The following GADL1 variants were observed in gnomAD, a reference collection of about 807,000 sequenced individuals.
GADL1 encodes acidic amino acid decarboxylase GADL1.
A neutral mutation model predicts 69.5 loss-of-function variants in GADL1; 71 were observed. The observed-to-expected ratio is 1.02, with a 90% CI of 0.84 to 1.25. The LOEUF is 1.25. Among genes scored for constraint, GADL1 ranks in the 50% most tolerant of loss-of-function variants. GADL1 has a pLI of 0.00. For synonymous variants in GADL1, 254 were observed against 214.4 expected, an observed-to-expected ratio of 1.18 and a Z score of -1.62; for missense variants, 737 against 631.8, an observed-to-expected ratio of 1.17 and a Z score of -1.79.
At chr3:30,784,924 T>C (rs566000109) in intron 13 of GADL1, among the ~76,000 whole-genome samples, 63 of 152,300 alleles carry the variant, frequency 4.1e-4, no homozygotes, top group African/African-American at 1.5e-3. Context: ...TTTTGGCTGC[T>C]CAAAGACAGA....
chr3:30,813,952 A>G lies in GADL1; in HGVS notation c.1051-12864T>C, dbSNP rs1487455307. Among the ~76,000 whole-genome samples the G allele has an allele frequency of 2.6e-5, 4 of 152,352 alleles. No homozygotes were observed. The East Asian group carries it at 5.8e-4, about 22-fold the overall frequency. On this transcript the variant is annotated intron_variant, in intron 11 of 14. Coordinates refer to ENST00000282538, the MANE Select transcript of GADL1 (RefSeq NM_207359.3). ...TGAAATGACAAAAAACGTTTCCACTATACTAATGGCTATTTGTTCAGGCAG... is the reference window on the plus strand; with the variant it reads ...TGAAATGACAAAAAACGTTTCCACTGTACTAATGGCTATTTGTTCAGGCAG...
In GADL1 at chr3:30,842,822, TAAAAAA is replaced by T. The variant is rs558126002; in HGVS notation, c.786+1382_786+1387del. ...AAAGTTCACTTGTCATTGGAATGTT[TAAAAAA>T]AAAAAAAAAAAAAAAGTAGGACACA... On this transcript the variant is annotated intron_variant, in intron 8 of 14. Transcript: ENST00000282538. Among the ~76,000 whole-genome samples, 28 of 103,492 alleles carry T rather than the reference TAAAAAA, an allele frequency of 2.7e-4. 1 individual carries two copies. In the East Asian group the frequency reaches 2.9e-3, roughly 11 times the overall value. The allele number at this position is 103,492 out of a possible 152,430, so 67.9% of individuals were successfully genotyped here.
intron 12 of GADL1, among the ~76,000 whole-genome samples, chr3:30,794,264 C>T (rs1354532892): frequency 6.7e-6 from 1 of 148,756 alleles, no homozygotes; most frequent in African/African-American, 2.5e-5. Context: ...CTCTGGAGAC[C>T]AAACAAAGTA....
Position 30,854,754 on chromosome 3 carries a change from G to C in GADL1, c.373C>G (p.Leu125Val). 6.5e-7 allele frequency: 1 copy of C among 1,549,126 alleles called. No homozygotes were observed. ...CGGGCCACCAAGGAGTAATAATCAA[G>C]TCCAGCATACAATTGGTTGAAAAAT... ...PRFFNQLYAG[L>V]DYYSLVARFM... is the part of the protein sequence containing the mutation. The change falls in exon 4 of 15, where the codon CTT (leucine) becomes GTT (valine). Residue 125 changes from leucine (L) to valine (V), a missense_variant. By Grantham distance (32) the Leu-to-Val change is conservative. Coordinates refer to ENST00000282538, the MANE Select transcript of GADL1 (RefSeq NM_207359.3).
chr3:30,747,106 G>A (rs1695718677), intron 14 of GADL1, among the ~76,000 whole-genome samples: 1 of 152,154 alleles, frequency 6.6e-6, no homozygotes, highest in African/African-American at 2.4e-5. Flanking sequence ...CCTCTCAGAT[G>A]ATTTTTACTA....
chr3:30,797,275 TA>T (rs1489007182), intron 12 of GADL1, among the ~76,000 whole-genome samples: 7 of 152,158 alleles, frequency 4.6e-5, no homozygotes, highest in Admixed American at 4.6e-4. Flanking sequence ...TTTAGACCTC[TA>T]GGGGGAAAAC....
At chr3:30,828,236 A>G (rs983512770) in intron 11 of GADL1, among the ~76,000 whole-genome samples, 3 of 151,900 alleles carry the variant, frequency 2.0e-5, no homozygotes. Context: ...CTGGCATGTA[A>G]TAATTGTCAT....
At chr3:30,848,896 G>A (rs559137039) in intron 6 of GADL1, among the ~76,000 whole-genome samples, 25 of 152,266 alleles carry the variant, frequency 1.6e-4, no homozygotes, top group South Asian at 1.5e-3. Flanking sequence ...TCTCTGTTCC[G>A]TGTATTCAAA....
chr3:30,869,140 G>A (rs1381177444), intron 1 of GADL1, among the ~76,000 whole-genome samples: 1 of 151,606 alleles, frequency 6.6e-6, no homozygotes, highest in African/African-American at 2.4e-5. Flanking sequence ...AGAAACCAGG[G>A]CAAAGAAAAA....
At chr3:30,857,739 A>G (rs562643132) in intron 2 of GADL1, among the ~76,000 whole-genome samples, 1 of 151,952 alleles carries the variant, frequency 6.6e-6, no homozygotes, top group African/African-American at 2.4e-5. Context: ...TTACAAAGAT[A>G]TAAAATGATC....
intron 14 of GADL1, among the ~76,000 whole-genome samples, chr3:30,741,190 A>ATATGTG (rs747105488): frequency 0.061 from 8,097 of 132,530 alleles, 894 homozygotes; most frequent in African/African-American, 0.21. Context: ...TTATATAATT[A>ATATGTG]TGTGTGTGTG....
At chr3:30,816,806 A>G (rs1316447143) in intron 11 of GADL1, among the ~76,000 whole-genome samples, 1 of 151,828 alleles carries the variant, frequency 6.6e-6, no homozygotes, top group Non-Finnish European at 1.5e-5. Context: ...TCAGCCTCCC[A>G]AAGTGCTGGG....
intron 11 of GADL1, among the ~76,000 whole-genome samples, chr3:30,807,402 T>C (rs1403092284): frequency 6.6e-6 from 1 of 152,206 alleles, no homozygotes; most frequent in African/African-American, 2.4e-5. Flanking sequence ...GACGAAAATA[T>C]TACAAGAAAT....
At chr3:30,886,051 A>AT (rs1698701873) in intron 1 of GADL1, among the ~76,000 whole-genome samples, 1 of 152,158 alleles carries the variant, frequency 6.6e-6, no homozygotes, top group African/African-American at 2.4e-5. Context: ...CTAAATACAC[A>AT]TCAACAAAAG....
At chr3:30,843,130 A>G (rs1374968241) in intron 8 of GADL1, among the ~76,000 whole-genome samples, 1 of 152,052 alleles carries the variant, frequency 6.6e-6, no homozygotes, top group Non-Finnish European at 1.5e-5. Flanking sequence ...GTTGCTACCT[A>G]TTGGAAGGTT....
At position 30,759,071 on chromosome 3, in the gene GADL1, C is replaced by T. The variant is rs187350781; in HGVS notation, c.1392+19108G>A. Among the ~76,000 whole-genome samples the T allele has an allele frequency of 3.0e-4, 37 of 122,146 alleles. No individual in the cohort carries two copies. In the East Asian group the frequency reaches 5.9e-3, roughly 20 times the overall value. The allele number at this position is 122,146 out of a possible 152,430, so 80.1% of individuals were successfully genotyped here. A position where few individuals can be genotyped will look rare whatever the true frequency, so the allele number is the denominator to read the frequency against. On this transcript the variant is annotated intron_variant, in intron 14 of 14. Transcript: ENST00000282538. ...AGAAGAGTCATAATGATTAAAAATC[C>T]GTTTTTTTTCCAGTGCAGATCACGA...
rs1187989011 is a variant in GADL1 at position 30,728,216 on chromosome 3, A to G, written c.*26T>C. On this transcript the variant is annotated 3_prime_UTR_variant, in exon 15 of 15. Coordinates refer to ENST00000282538, the MANE Select transcript of GADL1 (RefSeq NM_207359.3). ...TCTAAACTCTCCCAGGATAGGATCTATGCCTCTGGGGGACCAAAGCCACAG... is the reference window on the plus strand; with the variant it reads ...TCTAAACTCTCCCAGGATAGGATCTGTGCCTCTGGGGGACCAAAGCCACAG... The G allele has an allele frequency of 6.2e-7, 1 of 1,600,622 alleles. No homozygotes were observed. The highest frequency in any genetic ancestry group is 8.6e-7 in the Non-Finnish European group (1 of 1,168,086).
At chr3:30,861,548 C>CT (rs1698320887) in intron 2 of GADL1, 45 bp downstream of exon 2, 1 of 1,409,740 alleles carries the variant, frequency 7.1e-7, no homozygotes, top group Middle Eastern at 1.8e-4. Context: ...TGGGGAACAT[C>CT]TATCTTTCCC....
At chr3:30,760,355 C>T (rs1347153397) in intron 14 of GADL1, among the ~76,000 whole-genome samples, 1 of 152,090 alleles carries the variant, frequency 6.6e-6, no homozygotes, top group Non-Finnish European at 1.5e-5. Context: ...CTTCATTAAG[C>T]TTTAGTCTCT....
Sources: allele counts gnomAD v4.1 joint callset (sites outside exome capture counted in the v4.1 genomes callset), GRCh38; gene constraint gnomAD v4.1.1; transcripts MANE v1.5; gene names NCBI Gene and HGNC (gene_info 2026-07-23, HGNC 2026-07-21).